Variants in ADAMTS9 observed in about 807,000 individuals in gnomAD.
The protein encoded by ADAMTS9 is A disintegrin and metalloproteinase with thrombospondin motifs 9.
In ADAMTS9, 107 loss-of-function variants were observed where a neutral mutation model predicts 257.1. That is an observed-to-expected ratio of 0.42 (90% confidence interval 0.36 to 0.49). ADAMTS9 has a LOEUF of 0.49. ADAMTS9 is among the 20% of genes least tolerant of loss of function. The probability of loss-of-function intolerance (pLI) is 0.03; values close to 1 mark genes in which losing one functional copy is unlikely to be tolerated. For missense variants in ADAMTS9, 2,353 were observed against 2,469.1 expected, an observed-to-expected ratio of 0.95 and a Z score of 1.00; for synonymous variants, 982 against 880.9, an observed-to-expected ratio of 1.11 and a Z score of -2.03.
intron 28 of ADAMTS9, among the ~76,000 whole-genome samples, chr3:64,593,779 A>C (rs2084305610): frequency 6.6e-6 from 1 of 152,168 alleles, no homozygotes; most frequent in Non-Finnish European, 1.5e-5. Context: ...AGACTTTGTA[A>C]AAATTATGTT....
chr3:64,610,322 G>C (rs2084640686), intron 22 of ADAMTS9, among the ~76,000 whole-genome samples: 1 of 152,164 alleles, frequency 6.6e-6, no homozygotes, highest in African/African-American at 2.4e-5. Flanking sequence ...AGGCAACACA[G>C]GGGATGGGGG....
intron 6 of ADAMTS9, 58 bp downstream of exon 6, chr3:64,655,518 C>T: frequency 7.2e-7 from 1 of 1,388,260 alleles, no homozygotes; most frequent in Middle Eastern, 1.8e-4. Context: ...AATGCATGAC[C>T]ACATCCCATC....
At chr3:64,624,689 G>T (rs1449770516) in intron 16 of ADAMTS9, among the ~76,000 whole-genome samples, 1 of 152,140 alleles carries the variant, frequency 6.6e-6, no homozygotes, top group Non-Finnish European at 1.5e-5. Context: ...GACTTGATAT[G>T]AAAAATATAT....
At chr3:64,629,566 C>T (rs1260596362) in intron 16 of ADAMTS9, among the ~76,000 whole-genome samples, 2 of 152,240 alleles carry the variant, frequency 1.3e-5, no homozygotes, top group Non-Finnish European at 2.9e-5. Context: ...TTCAACTCTA[C>T]TGTCCACATC....
intron 30 of ADAMTS9, among the ~76,000 whole-genome samples, chr3:64,559,789 T>C (rs1028138228): frequency 6.6e-6 from 1 of 152,246 alleles, no homozygotes; most frequent in Non-Finnish European, 1.5e-5. Context: ...AGAGTGTGCA[T>C]TTTCGTGATT....
At chr3:64,634,576 G>T (rs370819099) in intron 12 of ADAMTS9, among the ~76,000 whole-genome samples, 1 of 152,200 alleles carries the variant, frequency 6.6e-6, no homozygotes, top group Admixed American at 6.5e-5. Context: ...TTTAATCTCC[G>T]CATGCAACCC....
intron 16 of ADAMTS9, among the ~76,000 whole-genome samples, chr3:64,627,796 T>C (rs1046985002): frequency 6.6e-6 from 1 of 152,048 alleles, no homozygotes; most frequent in African/African-American, 2.4e-5. Context: ...CAGAAAAGTA[T>C]GGCTTGGCTG....
rs771897186 is a variant in ADAMTS9 at position 64,655,775 on chromosome 3, GA to G, written c.1053+16del. 33 of 1,565,372 alleles carry G rather than the reference GA, an allele frequency of 2.1e-5. 1 individual carries two copies. The highest frequency in any genetic ancestry group is 2.8e-5 in the African/African-American group (2 of 72,100). ...TTTCGGATACAGATAGAAGAAAAAA[GA>G]AAAAAACTTTATTACCTGTTCATTA... On this transcript the variant is annotated intron_variant, in intron 5 of 39. Transcript: ENST00000498707.
chr3:64,533,138 A>G (rs1335541394), intron 38 of ADAMTS9, 28 bp downstream of exon 38: 1 of 1,567,200 alleles, frequency 6.4e-7, no homozygotes, highest in African/African-American at 1.4e-5. Context: ...ATAAAAATTC[A>G]TCTCCCAACC....
intron 3 of ADAMTS9, among the ~76,000 whole-genome samples, chr3:64,671,512 T>C (rs1701486901): frequency 6.6e-6 from 1 of 152,124 alleles, no homozygotes; most frequent in African/African-American, 2.4e-5. Context: ...TAAAAAGATT[T>C]TTCAAAAAAT....
At chr3:64,522,095 C>A in intron 39 of ADAMTS9, 71 bp downstream of exon 39, 1 of 1,339,964 alleles carries the variant, frequency 7.5e-7, no homozygotes, top group South Asian at 1.2e-5. Flanking sequence ...GATCCTCCCA[C>A]ATTTGCTCAT....
At chr3:64,561,338 TG>T in intron 30 of ADAMTS9, 8 of 337,376 alleles carry the variant, frequency 2.4e-5, no homozygotes, top group Non-Finnish European at 3.2e-5. Context: ...TTTTTTTTTT[TG>T]AGGCGGCCAG....
intron 10 of ADAMTS9, among the ~76,000 whole-genome samples, chr3:64,649,412 G>C (rs760962699): frequency 6.6e-6 from 1 of 152,112 alleles, no homozygotes; most frequent in Non-Finnish European, 1.5e-5. Context: ...CTTCCTTTTG[G>C]ACTGTCACGA....
At chr3:64,673,393 T>A (rs1268348865) in intron 3 of ADAMTS9, among the ~76,000 whole-genome samples, 61 of 152,152 alleles carry the variant, frequency 4.0e-4, no homozygotes, top group African/African-American at 2.4e-5. Context: ...TCCTTGCAAC[T>A]GCAGCCTGAC....
chr3:64,534,571 A>G (rs555880112), intron 37 of ADAMTS9, among the ~76,000 whole-genome samples: 2 of 152,318 alleles, frequency 1.3e-5, no homozygotes, highest in African/African-American at 4.8e-5. Flanking sequence ...TTCCAGGACT[A>G]AGTGTAGCTT....
At chr3:64,555,569 GGC>G (rs1420594767) in intron 30 of ADAMTS9, among the ~76,000 whole-genome samples, 2 of 151,960 alleles carry the variant, frequency 1.3e-5, no homozygotes, top group African/African-American at 4.8e-5. Context: ...TAACACCTAG[GGC>G]TACCTGTGCA....
intron 3 of ADAMTS9, among the ~76,000 whole-genome samples, chr3:64,669,592 G>A (rs928521560): frequency 6.6e-6 from 1 of 152,144 alleles, no homozygotes; most frequent in African/African-American, 2.4e-5. Context: ...TAAGATAAAA[G>A]TGAATAATGA....
intron 9 of ADAMTS9, chr3:64,650,063 A>G: frequency 3.3e-6 from 1 of 302,126 alleles, no homozygotes; most frequent in Non-Finnish European, 6.1e-6. Flanking sequence ...ATGTTTGACT[A>G]TCTTTCCCAA....
chr3:64,534,938 C>T (rs1318106942), intron 37 of ADAMTS9, among the ~76,000 whole-genome samples: 1 of 152,146 alleles, frequency 6.6e-6, no homozygotes, highest in East Asian at 1.9e-4. Flanking sequence ...TAGAATCTTG[C>T]TCCCTTCTTT....
Sources: gnomAD v4.1 joint callset for allele counts (sites outside exome capture counted in the v4.1 genomes callset) on GRCh38, gnomAD v4.1.1 for gene constraint, MANE v1.5 for transcripts, NCBI Gene and HGNC (gene_info 2026-07-23, HGNC 2026-07-21) for gene names.